Variants in PAPPA2 observed in about 807,000 individuals in gnomAD.
The protein encoded by PAPPA2 is pappalysin 2, also known as pappalysin-2.
PAPPA2 carries 86 observed loss-of-function variants against 176.4 expected under a neutral mutation model. That is an observed-to-expected ratio of 0.49 (90% CI 0.41 to 0.58). PAPPA2 has a LOEUF of 0.58. Ranked by LOEUF, PAPPA2 falls within the 20% of genes least tolerant of loss-of-function variation. The probability of loss-of-function intolerance (pLI) is 0.00; values close to 1 mark genes in which losing one functional copy is unlikely to be tolerated. For synonymous variants in PAPPA2, 809 were observed against 852.2 expected (o/e 0.95, Z 0.88); for missense variants, 2,073 against 2,256.9 (o/e 0.92, Z 1.65).
At chr1:176,781,223 A>G (rs1437677316) in intron 17 of PAPPA2, among the ~76,000 whole-genome samples, 1 of 152,150 alleles carries the variant, frequency 6.6e-6, no homozygotes, top group Non-Finnish European at 1.5e-5. Context: ...ATCTGGAGAC[A>G]TAAGATTTAG....
intron 17 of PAPPA2, among the ~76,000 whole-genome samples, chr1:176,788,011 G>T (rs914381845): frequency 4.2e-4 from 64 of 151,920 alleles, no homozygotes; most frequent in African/African-American, 1.4e-3. Flanking sequence ...AGCGAGCCGA[G>T]ATCGCGCCAT....
At chr1:176,496,203 T>C (rs1647610850) in intron 1 of PAPPA2, among the ~76,000 whole-genome samples, 1 of 152,228 alleles carries the variant, frequency 6.6e-6, no homozygotes, top group Non-Finnish European at 1.5e-5. Flanking sequence ...TAACTCATTA[T>C]TTAGCATTAG....
intron 1 of PAPPA2, among the ~76,000 whole-genome samples, chr1:176,485,517 A>G (rs1652607724): frequency 1.3e-5 from 2 of 152,134 alleles, no homozygotes; most frequent in African/African-American, 4.8e-5. Context: ...TCTTATAACC[A>G]TATTTGGACA....
At chr1:176,605,478 C>T (rs891664209) in intron 3 of PAPPA2, among the ~76,000 whole-genome samples, 1 of 152,214 alleles carries the variant, frequency 6.6e-6, no homozygotes, top group Non-Finnish European at 1.5e-5. Context: ...TCATTCTCAC[C>T]ATTCATGTCT....
chr1:176,806,108 A>G (rs1665896566), intron 21 of PAPPA2, among the ~76,000 whole-genome samples: 1 of 152,156 alleles, frequency 6.6e-6, no homozygotes, highest in Non-Finnish European at 1.5e-5. Flanking sequence ...GGGGCTACCA[A>G]TGCAACTTAT....
At chr1:176,672,089 A>G (rs186254677) in intron 4 of PAPPA2, among the ~76,000 whole-genome samples, 36 of 146,886 alleles carry the variant, frequency 2.5e-4, no homozygotes, top group African/African-American at 9.5e-4. Flanking sequence ...ATAAAAAATA[A>G]AAAAAAGAAA....
At chr1:176,754,019 T>TTG (rs1663303594) in intron 14 of PAPPA2, among the ~76,000 whole-genome samples, 1 of 132,216 alleles carries the variant, frequency 7.6e-6, no homozygotes. Context: ...TTTCAACTGT[T>TTG]TTTTTTTTTT....
chr1:176,484,998 G>A (rs1558396077), intron 1 of PAPPA2, among the ~76,000 whole-genome samples: 1 of 152,178 alleles, frequency 6.6e-6, no homozygotes, highest in Non-Finnish European at 1.5e-5. Flanking sequence ...AGGGGCAATG[G>A]TTTGCTCTGT....
intron 1 of PAPPA2, among the ~76,000 whole-genome samples, chr1:176,478,418 C>T (rs574427875): frequency 6.6e-6 from 1 of 152,350 alleles, no homozygotes; most frequent in African/African-American, 2.4e-5. Context: ...GTTACTTAAC[C>T]TCTCCTTGTT....
intron 17 of PAPPA2, among the ~76,000 whole-genome samples, chr1:176,781,276 A>G (rs1233930574): frequency 6.6e-6 from 1 of 151,494 alleles, no homozygotes; most frequent in East Asian, 1.9e-4. Context: ...ACATGGAAGT[A>G]AAATGGTCTA....
chr1:176,567,026 C>T (rs1318937999), intron 2 of PAPPA2, among the ~76,000 whole-genome samples: 1 of 152,142 alleles, frequency 6.6e-6, no homozygotes, highest in African/African-American at 2.4e-5. Context: ...TCTGGGGGCT[C>T]ATCAGATTTG....
chr1:176,686,722 A>G (rs558490189), intron 4 of PAPPA2, among the ~76,000 whole-genome samples: 2 of 152,264 alleles, frequency 1.3e-5, no homozygotes, highest in Admixed American at 1.3e-4. Context: ...ATTCCTTCAC[A>G]TGTGTTCATG....
At chr1:176,752,330 C>T (rs1663217161) in intron 14 of PAPPA2, among the ~76,000 whole-genome samples, 1 of 98,620 alleles carries the variant, frequency 1.0e-5, no homozygotes, top group African/African-American at 4.4e-5. Context: ...TACCCTAAAA[C>T]TTAGAGTATA....
At chr1:176,478,913 A>G (rs1652257634) in intron 1 of PAPPA2, among the ~76,000 whole-genome samples, 1 of 152,152 alleles carries the variant, frequency 6.6e-6, no homozygotes, top group Non-Finnish European at 1.5e-5. Flanking sequence ...AACTTTGATG[A>G]CCCTTTGGTG....
At chr1:176,770,504 A>G (rs1008507186) in intron 16 of PAPPA2, among the ~76,000 whole-genome samples, 10 of 152,178 alleles carry the variant, frequency 6.6e-5, no homozygotes, top group African/African-American at 2.4e-4. Context: ...GATCTGCATA[A>G]TAGGGGATAA....
At chr1:176,523,660 A>C (rs1649325164) in intron 1 of PAPPA2, among the ~76,000 whole-genome samples, 2 of 152,136 alleles carry the variant, frequency 1.3e-5, no homozygotes, top group Non-Finnish European at 2.9e-5. Context: ...TTTTTTTGCC[A>C]TGACTCTGTA....
At chr1:176,513,605 A>G (rs959603912) in intron 1 of PAPPA2, among the ~76,000 whole-genome samples, 1 of 152,214 alleles carries the variant, frequency 6.6e-6, no homozygotes, top group Non-Finnish European at 1.5e-5. Flanking sequence ...CAGTTGTGTT[A>G]TCTTGGTCCA....
chr1:176,659,415 C>T (rs767790167), intron 3 of PAPPA2, among the ~76,000 whole-genome samples: 2 of 152,026 alleles, frequency 1.3e-5, no homozygotes, highest in African/African-American at 2.4e-5. Flanking sequence ...GTGAATCTGT[C>T]CCTGTGTCCA....
At chr1:176,809,776 G>A (rs1456738476) in intron 21 of PAPPA2, among the ~76,000 whole-genome samples, 1 of 152,130 alleles carries the variant, frequency 6.6e-6, no homozygotes, top group Non-Finnish European at 1.5e-5. Flanking sequence ...GTGAAAGGCT[G>A]CATACAGGCC....
Sources: allele counts gnomAD v4.1 joint callset (sites outside exome capture counted in the v4.1 genomes callset), GRCh38; gene constraint gnomAD v4.1.1; transcripts MANE v1.5; gene names NCBI Gene and HGNC (gene_info 2026-07-23, HGNC 2026-07-21).